The following PTPRD variants were observed in gnomAD, a reference collection of about 807,000 sequenced individuals.
PTPRD encodes receptor-type tyrosine-protein phosphatase delta.
A neutral mutation model predicts 214.5 loss-of-function variants in PTPRD; 34 were observed. The observed-to-expected ratio is 0.16, with a 90% CI of 0.12 to 0.21. PTPRD has a LOEUF of 0.21. PTPRD is among the 10% of genes least tolerant of loss of function. The pLI is 1.00. For synonymous variants in PTPRD, 1,128 were observed against 845.7 expected, an observed-to-expected ratio of 1.33 and a Z score of -5.79; for missense variants, 2,545 against 2,398.7, an observed-to-expected ratio of 1.06 and a Z score of -1.27.
At chr9:9,112,393 C>T (rs565458349) in intron 10 of PTPRD, among the ~76,000 whole-genome samples, 2 of 152,152 alleles carry the variant, frequency 1.3e-5, no homozygotes, top group East Asian at 3.9e-4. Context: ...CCTCATGAAT[C>T]AGATCACTGA....
chr9:10,102,242 T>C (rs993809649), intron 3 of PTPRD, among the ~76,000 whole-genome samples: 5 of 151,648 alleles, frequency 3.3e-5, no homozygotes, highest in African/African-American at 1.2e-4. Flanking sequence ...AGACTCACAT[T>C]GGATCAAGAT....
chr9:8,734,512 A>G (rs2098696166), intron 11 of PTPRD, among the ~76,000 whole-genome samples: 1 of 152,248 alleles, frequency 6.6e-6, no homozygotes. Context: ...TCAATGTTCA[A>G]GTCTAGTTTG....
chr9:9,203,356 T>G (rs949088284), intron 9 of PTPRD, among the ~76,000 whole-genome samples: 3 of 152,190 alleles, frequency 2.0e-5, no homozygotes, highest in Non-Finnish European at 4.4e-5. Context: ...GAGCTTGGAC[T>G]TTATTCCATT....
At chr9:8,528,356 G>A in intron 15 of PTPRD, 5 of 588,836 alleles carry the variant, frequency 8.5e-6, no homozygotes, top group South Asian at 2.2e-5. Context: ...TCACAGCAGT[G>A]AGCAATGTGG....
intron 3 of PTPRD, among the ~76,000 whole-genome samples, chr9:10,208,286 G>C (rs1383669268): frequency 2.6e-5 from 4 of 152,216 alleles, no homozygotes; most frequent in Non-Finnish European, 5.9e-5. Flanking sequence ...TGGCCGAGGA[G>C]GGCGGATCAC....
intron 35 of PTPRD, among the ~76,000 whole-genome samples, chr9:8,425,660 T>C (rs895717632): frequency 3.4e-5 from 5 of 145,446 alleles, no homozygotes; most frequent in African/African-American, 9.8e-5. Flanking sequence ...TTTTTTGTTT[T>C]GTTTTTTTGT....
chr9:8,689,313 A>T (rs2097756979), intron 12 of PTPRD, among the ~76,000 whole-genome samples: 1 of 152,172 alleles, frequency 6.6e-6, no homozygotes, highest in Non-Finnish European at 1.5e-5. Context: ...CCTCTGTACT[A>T]ATTAGTTCAT....
chr9:8,568,603 G>A (rs1030128432), intron 14 of PTPRD, among the ~76,000 whole-genome samples: 1 of 152,044 alleles, frequency 6.6e-6, no homozygotes, highest in African/African-American at 2.4e-5. Context: ...GAAAGGTCAG[G>A]GCTATATGTG....
chr9:8,372,784 C>A (rs899512758), intron 39 of PTPRD, among the ~76,000 whole-genome samples: 1 of 151,910 alleles, frequency 6.6e-6, no homozygotes, highest in Admixed American at 6.6e-5. Context: ...TACTTAATGG[C>A]TCATTTTTGT....
At chr9:9,160,119 C>T (rs764249798) in intron 10 of PTPRD, among the ~76,000 whole-genome samples, 11 of 152,110 alleles carry the variant, frequency 7.2e-5, no homozygotes, top group Non-Finnish European at 1.0e-4. Flanking sequence ...AGCTCTGCAA[C>T]ATTGTTCTGG....
intron 11 of PTPRD, among the ~76,000 whole-genome samples, chr9:8,763,550 T>C (rs1024480937): frequency 6.6e-6 from 1 of 151,300 alleles, no homozygotes; most frequent in Non-Finnish European, 1.5e-5. Flanking sequence ...TAATATAACA[T>C]ATATACATTA....
intron 2 of PTPRD, among the ~76,000 whole-genome samples, chr9:10,566,058 G>A (rs975508473): frequency 1.3e-5 from 2 of 151,892 alleles, no homozygotes; most frequent in African/African-American, 4.8e-5. Context: ...TGTCTTTCAT[G>A]TCTTTTATTC....
intron 3 of PTPRD, among the ~76,000 whole-genome samples, chr9:10,058,592 C>T (rs2097701468): frequency 6.6e-6 from 1 of 152,032 alleles, no homozygotes; most frequent in African/African-American, 2.4e-5. Context: ...TCAACTGAGT[C>T]ATGAGGATTA....
chr9:8,884,275 C>T (rs1372331885), intron 11 of PTPRD, among the ~76,000 whole-genome samples: 1 of 152,100 alleles, frequency 6.6e-6, no homozygotes, highest in Non-Finnish European at 1.5e-5. Context: ...AAGGTGAGTC[C>T]TGAGTTGCAA....
chr9:9,929,188 G>T (rs1243124623), intron 5 of PTPRD, among the ~76,000 whole-genome samples: 9 of 152,086 alleles, frequency 5.9e-5, no homozygotes, highest in Non-Finnish European at 1.5e-5. Context: ...TGTGCATACT[G>T]GGGGAGAAGA....
At chr9:9,740,186 A>G (rs1024456375) in intron 6 of PTPRD, among the ~76,000 whole-genome samples, 1 of 152,136 alleles carries the variant, frequency 6.6e-6, no homozygotes, top group Non-Finnish European at 1.5e-5. Flanking sequence ...ATATTAGAAG[A>G]TGCATGTTGT....
At chr9:9,098,047 A>G (rs2099786175) in intron 10 of PTPRD, among the ~76,000 whole-genome samples, 1 of 151,742 alleles carries the variant, frequency 6.6e-6, no homozygotes. Flanking sequence ...TAACAATATT[A>G]ATATATTTAT....
At chr9:8,391,188 A>G (rs1196501030) in intron 36 of PTPRD, among the ~76,000 whole-genome samples, 1 of 151,972 alleles carries the variant, frequency 6.6e-6, no homozygotes, top group Non-Finnish European at 1.5e-5. Flanking sequence ...TCAAATTGTT[A>G]TATTTCACTG....
At chr9:10,231,651 T>C (rs1297846056) in intron 3 of PTPRD, among the ~76,000 whole-genome samples, 2 of 152,002 alleles carry the variant, frequency 1.3e-5, no homozygotes, top group Non-Finnish European at 2.9e-5. Flanking sequence ...TGGCAAATAG[T>C]AAGTGCTTAA....
Sources: allele counts gnomAD v4.1 joint callset (sites outside exome capture counted in the v4.1 genomes callset), GRCh38; gene constraint gnomAD v4.1.1; transcripts MANE v1.5; gene names NCBI Gene and HGNC (gene_info 2026-07-23, HGNC 2026-07-21).